PIK3C2B: variants seen among roughly 807,000 people sequenced by gnomAD.
PIK3C2B encodes phosphatidylinositol 4-phosphate 3-kinase C2 domain-containing subunit beta.
A neutral mutation model predicts 184.3 loss-of-function variants in PIK3C2B; 83 were observed. That is an observed-to-expected ratio of 0.45 (90% CI 0.38 to 0.54). The LOEUF (loss-of-function observed/expected upper bound fraction) is 0.54. Ranked by LOEUF, PIK3C2B falls within the 20% of genes least tolerant of loss-of-function variation. The pLI, the probability that PIK3C2B is intolerant of heterozygous loss-of-function variation, is 0.00. For missense variants in PIK3C2B, 1,736 were observed against 2,113.5 expected (o/e 0.82, Z 3.50); for synonymous variants, 779 against 837.6 (o/e 0.93, Z 1.21).
In PIK3C2B at chr1:204,465,219, A is replaced by T. The variant is rs1655660181; in HGVS notation, c.1034T>A (p.Ile345Asn). 6.4e-7 allele frequency: 1 copy of T among 1,563,464 alleles called. No individual in the cohort carries two copies. ...TCCCACCCCATTCTTTAACTCTTAC[A>T]TATCCAGCATGTGGCAAAATGCAGC... ...EVAAFCHMLD[I>N]LRSGSDIQDY... Residue 345 changes from isoleucine to asparagine, a missense_variant and splice_region_variant, in exon 3 of 33, where the codon ATC becomes AAC. By Grantham distance (149) the Ile-to-Asn change is moderately radical. Around this residue, in one of 8 missense-constraint regions of PIK3C2B, gnomAD observed 609 missense variants for 699.2 expected, o/e 0.87. Coordinates refer to ENST00000684373, the MANE Select transcript of PIK3C2B (RefSeq NM_001377334.1).
At chr1:204,490,975 A>C (rs1657966058) in intron 1 of PIK3C2B, among the ~76,000 whole-genome samples, 1 of 152,198 alleles carries the variant, frequency 6.6e-6, no homozygotes, top group Non-Finnish European at 1.5e-5. Context: ...TGGAAGGTAG[A>C]CATAGAAATA....
At chr1:204,440,365 C>A (rs904410359) in intron 21 of PIK3C2B, 44 bp from the exon 22 acceptor site, 2 of 1,525,692 alleles carry the variant, frequency 1.3e-6, no homozygotes, top group Admixed American at 4.0e-5. Context: ...TCCACTACCT[C>A]CCCAGCTCTC....
At chr1:204,489,542 C>G (rs753617603) in intron 1 of PIK3C2B, among the ~76,000 whole-genome samples, 11 of 151,960 alleles carry the variant, frequency 7.2e-5, no homozygotes, top group Non-Finnish European at 1.0e-4. Context: ...ATATCTCTGG[C>G]TACAATGTTC....
intron 30 of PIK3C2B, 72 bp downstream of exon 30, chr1:204,428,067 T>C (rs532484448): frequency 3.5e-5 from 29 of 838,244 alleles, no homozygotes; most frequent in African/African-American, 2.0e-4. Context: ...TGAGAAGAGG[T>C]TGGGGCAGAA....
chr1:204,464,369 A>T, intron 4 of PIK3C2B, 81 bp downstream of exon 4: 1 of 1,278,400 alleles, frequency 7.8e-7, no homozygotes, highest in Admixed American at 2.4e-5. Context: ...CCACAAGATG[A>T]GGTGGAAATC....
intron 31 of PIK3C2B, among the ~76,000 whole-genome samples, chr1:204,426,702 T>C (rs1237532881): frequency 6.6e-6 from 1 of 152,226 alleles, no homozygotes; most frequent in African/African-American, 2.4e-5. Flanking sequence ...CCAGAGCTAA[T>C]GTATCAGTAT....
intron 8 of PIK3C2B, among the ~76,000 whole-genome samples, chr1:204,458,622 T>A (rs1488732589): frequency 2.0e-5 from 3 of 151,910 alleles, no homozygotes; most frequent in Non-Finnish European, 4.4e-5. Context: ...GCCTCCTGAA[T>A]AGCTGGGATT....
chr1:204,424,537 C>T lies in PIK3C2B; in HGVS notation c.*315G>A, dbSNP rs1030715341. 1.4e-5 allele frequency: 4 copies of T among 278,006 alleles called. No individual in the cohort carries two copies. The highest frequency in any genetic ancestry group is 4.7e-5 in the Admixed American group (1 of 21,468). The allele number at this position is 278,006 out of a possible 1,614,324, so 17.2% of individuals were successfully genotyped here. ...CCCACCCACCCCCAAAATGCTACTTCATACAGCCCACCCCACACACTCCCC... is the reference window on the plus strand; with the variant it reads ...CCCACCCACCCCCAAAATGCTACTTTATACAGCCCACCCCACACACTCCCC... On this transcript the variant is annotated 3_prime_UTR_variant, in exon 33 of 33. Transcript: ENST00000684373.
In PIK3C2B at chr1:204,463,935, C is replaced by G; in HGVS notation, c.1310+77G>C. On this transcript the variant is annotated intron_variant, in intron 5 of 32. Transcript: ENST00000684373. ...TTGGGGCGGAGCTGCCAGGCCGGTC[C>G]CAGCACCAATCCCATGAAGCCCCCT... The G allele has an allele frequency of 6.0e-6, 9 of 1,495,716 alleles. No individual in the cohort carries two copies. In the South Asian group the frequency reaches 1.1e-4, roughly 18 times the overall value. 92.7% of individuals were successfully genotyped at this position (1,495,716 alleles called of 1,614,324 possible).
intron 8 of PIK3C2B, among the ~76,000 whole-genome samples, chr1:204,458,200 T>G (rs1404056711): frequency 1.3e-5 from 2 of 152,262 alleles, no homozygotes; most frequent in African/African-American, 4.8e-5. Context: ...CCTGTAGAAT[T>G]TCCAGACAGA....
At chr1:204,487,302 T>C (rs1300463679) in intron 1 of PIK3C2B, among the ~76,000 whole-genome samples, 4 of 152,194 alleles carry the variant, frequency 2.6e-5, no homozygotes, top group African/African-American at 9.7e-5. Context: ...ATAAATCTCG[T>C]TCCATTGCTC....
intron 11 of PIK3C2B, among the ~76,000 whole-genome samples, chr1:204,455,501 C>A (rs544132988): frequency 6.6e-6 from 1 of 152,138 alleles, no homozygotes; most frequent in Non-Finnish European, 1.5e-5. Context: ...ACCTCCCCAC[C>A]CCCTCCCACT....
chr1:204,473,734 C>T (rs972175091), intron 1 of PIK3C2B, among the ~76,000 whole-genome samples: 1 of 152,230 alleles, frequency 6.6e-6, no homozygotes, highest in Non-Finnish European at 1.5e-5. Context: ...CCCACTTATG[C>T]ATACTTGCAC....
intron 1 of PIK3C2B, among the ~76,000 whole-genome samples, chr1:204,485,551 G>C (rs994121909): frequency 6.6e-6 from 1 of 151,356 alleles, no homozygotes; most frequent in Non-Finnish European, 1.5e-5. Flanking sequence ...CTTCCTACAG[G>C]GCAGCTCTGA....
chr1:204,486,512 C>T (rs1657605437), intron 1 of PIK3C2B, among the ~76,000 whole-genome samples: 1 of 151,896 alleles, frequency 6.6e-6, no homozygotes, highest in Non-Finnish European at 1.5e-5. Context: ...AGATGGATCA[C>T]CTGAGGTAGG....
chr1:204,457,946 C>A lies in PIK3C2B; in HGVS notation c.1567-72G>T, dbSNP rs537876567. 2.8e-6 allele frequency: 4 copies of A among 1,413,600 alleles called. No homozygotes were observed. The South Asian group carries it at 5.0e-5, about 18-fold the overall frequency. 87.6% of individuals were successfully genotyped at this position (1,413,600 alleles called of 1,614,324 possible). A position where few individuals can be genotyped will look rare whatever the true frequency, so the allele number is the denominator to read the frequency against. ...CTTGGTCTCCAACCCCTCCCCACCCCAGTCTTTAAAGGAAAGGGTTGGGAA... is the reference window on the plus strand; with the variant it reads ...CTTGGTCTCCAACCCCTCCCCACCCAAGTCTTTAAAGGAAAGGGTTGGGAA... On this transcript the variant is annotated intron_variant, in intron 8 of 32. Coordinates refer to ENST00000684373, the MANE Select transcript of PIK3C2B (RefSeq NM_001377334.1).
At chr1:204,456,873 A>AAC (rs747482741) in intron 10 of PIK3C2B, among the ~76,000 whole-genome samples, 164 bp downstream of exon 10, 5,257 of 141,560 alleles carry the variant, frequency 0.037, 143 homozygotes, top group African/African-American at 0.075. Flanking sequence ...CTCATATAGG[A>AAC]ACACACACAC....
In PIK3C2B at chr1:204,449,235, C is replaced by A. The variant is rs755380508; in HGVS notation, c.2296G>T (p.Ala766Ser). The stretch of plus-strand genomic sequence containing the variant: ...TGGAAATTAGGTGCACTCCAACGGG[C>A]GCTGGGATTTTCCTGTGTTGCTGGC... ...LWPATQENPSARWSAPNFHQP... is the reference protein window; with the variant it reads ...LWPATQENPSSRWSAPNFHQP... The change falls in exon 14 of 33, where the codon GCC becomes TCC. Residue 766 changes from alanine (A) to serine (S), a missense_variant. This residue lies in a region of PIK3C2B where 609 missense variants were observed against 699.2 expected (regional missense o/e 0.87). Coordinates refer to ENST00000684373, the MANE Select transcript of PIK3C2B (RefSeq NM_001377334.1). 1 of 1,613,062 alleles carries A rather than the reference C, an allele frequency of 6.2e-7. No individual in the cohort carries two copies. The highest frequency in any genetic ancestry group is 8.5e-7 in the Non-Finnish European group (1 of 1,179,784).
intron 1 of PIK3C2B, among the ~76,000 whole-genome samples, chr1:204,493,176 C>G (rs1209971574): frequency 1.3e-5 from 2 of 152,192 alleles, no homozygotes; most frequent in Non-Finnish European, 2.9e-5. Flanking sequence ...AGTAAGTTTT[C>G]ATTCAGCACT....
Sources: gnomAD v4.1 joint callset for allele counts (sites outside exome capture counted in the v4.1 genomes callset) on GRCh38, gnomAD v4.1.1 for gene constraint, gnomAD v4.1.1 regional missense constraint, MANE v1.5 for transcripts, NCBI Gene and HGNC (gene_info 2026-07-23, HGNC 2026-07-21) for gene names.